The following JAKMIP2 variants were observed in gnomAD, a reference collection of about 807,000 sequenced individuals.
JAKMIP2 encodes the protein janus kinase and microtubule-interacting protein 2.
Under a neutral mutation model 115.0 loss-of-function variants are expected in JAKMIP2, and 25 were observed. That is an observed-to-expected ratio of 0.22 (90% CI 0.16 to 0.30). The LOEUF (loss-of-function observed/expected upper bound fraction) is 0.30, where lower values mean the gene tolerates loss of function less well. Ranked by LOEUF, JAKMIP2 falls within the 10% of genes least tolerant of loss-of-function variation. The probability of loss-of-function intolerance (pLI) is 1.00; values close to 1 mark genes in which losing one functional copy is unlikely to be tolerated. For missense variants in JAKMIP2, 642 were observed against 957.6 expected (o/e 0.67, Z 4.35); for synonymous variants, 334 against 343.6 (o/e 0.97, Z 0.31).
intron 20 of JAKMIP2, among the ~76,000 whole-genome samples, chr5:147,609,978 A>G (rs1320823537): frequency 6.6e-6 from 1 of 152,154 alleles, no homozygotes; most frequent in African/African-American, 2.4e-5. Flanking sequence ...TGATCCAGCT[A>G]TGGATACTGC....
chr5:147,763,433 C>T (rs1008702479), intron 1 of JAKMIP2, among the ~76,000 whole-genome samples: 1 of 152,106 alleles, frequency 6.6e-6, no homozygotes, highest in Non-Finnish European at 1.5e-5. Flanking sequence ...TGAAGGAGAG[C>T]CTTTTCCTAC....
chr5:147,669,759 C>A lies in JAKMIP2; in HGVS notation c.129+1919G>T, dbSNP rs960329046. Among the ~76,000 whole-genome samples, 11 of 152,146 alleles carry A rather than the reference C, an allele frequency of 7.2e-5. No homozygotes were observed. In the South Asian group the frequency reaches 1.2e-3, roughly 17 times the overall value. ...GTCAGACCTGGATGGAATCTTACAG[C>A]GAGTGTTTGTCAACACGAAGGCTGG... On this transcript the variant is annotated intron_variant, in intron 2 of 21. Coordinates refer to ENST00000616793, the MANE Select transcript of JAKMIP2 (RefSeq NM_001270941.2).
intron 17 of JAKMIP2, among the ~76,000 whole-genome samples, chr5:147,622,938 G>T (rs1052542938): frequency 6.6e-6 from 1 of 152,044 alleles, no homozygotes; most frequent in Non-Finnish European, 1.5e-5. Flanking sequence ...TTGGTTGTGG[G>T]AACACAGGGT....
intron 1 of JAKMIP2, among the ~76,000 whole-genome samples, chr5:147,675,915 C>A (rs1010602931): frequency 2.0e-5 from 3 of 150,668 alleles, no homozygotes; most frequent in Non-Finnish European, 4.4e-5. Flanking sequence ...TAGGGATAAA[C>A]TGCATCTTAT....
At chr5:147,633,362 G>A (rs141885397) in intron 12 of JAKMIP2, among the ~76,000 whole-genome samples, 97 of 152,208 alleles carry the variant, frequency 6.4e-4, no homozygotes, top group African/African-American at 2.2e-3. Flanking sequence ...TAGGAACTGT[G>A]GCCTACCCAA....
chr5:147,686,262 CTT>C (rs142849151), intron 1 of JAKMIP2, among the ~76,000 whole-genome samples: 24,395 of 152,048 alleles, frequency 0.16, 2,258 homozygotes, highest in African/African-American at 0.25. Flanking sequence ...ATGCCAGTCT[CTT>C]TTCATGAAGG....
chr5:147,661,175 T>G lies in JAKMIP2; in HGVS notation c.400A>C (p.Thr134Pro). The G allele has an allele frequency of 6.2e-7, 1 of 1,614,066 alleles. No homozygotes were observed. The change falls in exon 3 of 22, where the codon ACC becomes CCC. Residue 134 changes from threonine to proline, a missense_variant. By Grantham distance (38) the Thr-to-Pro change is conservative (BLOSUM62 -1). Around this residue, in one of 6 missense-constraint regions of JAKMIP2, gnomAD observed 439 missense variants for 570.9 expected, o/e 0.77. Coordinates refer to ENST00000616793, the MANE Select transcript of JAKMIP2 (RefSeq NM_001270941.2). ...GSSDKVRTALTIEAREEARKL... is the reference protein window; with the variant it reads ...GSSDKVRTALPIEAREEARKL... ...CGGGCCTCCTCCCGGGCCTCAATGG[T>G]GAGCGCTGTCCTTACTTTGTCACTG...
intron 5 of JAKMIP2, among the ~76,000 whole-genome samples, chr5:147,645,298 C>T (rs553407369): frequency 3.3e-5 from 5 of 152,196 alleles, no homozygotes; most frequent in African/African-American, 1.2e-4. Context: ...TGCTTTCTTT[C>T]GCTTCCCCGA....
rs189774063 is a variant in JAKMIP2, at chr5:147,667,883, A to G, written c.129+3795T>C. Among the ~76,000 whole-genome samples the G allele has an allele frequency of 2.1e-4, 32 of 152,260 alleles. No homozygotes were observed. The East Asian group carries it at 6.2e-3, about 29-fold the overall frequency. On this transcript the variant is annotated intron_variant, in intron 2 of 21. Coordinates refer to ENST00000616793, the MANE Select transcript of JAKMIP2 (RefSeq NM_001270941.2). ...TTGGTTGATTTTCTGAGAATGCCCT[A>G]GAGGCAATAGATGCCTTGAATCAGA...
intron 16 of JAKMIP2, among the ~76,000 whole-genome samples, chr5:147,625,279 C>T (rs1027694340): frequency 1.3e-5 from 2 of 152,156 alleles, no homozygotes; most frequent in Non-Finnish European, 2.9e-5. Flanking sequence ...CTGCGCCCAG[C>T]CCCAGATAGT....
intron 1 of JAKMIP2, among the ~76,000 whole-genome samples, chr5:147,718,833 G>A (rs1753131927): frequency 6.6e-6 from 1 of 151,042 alleles, no homozygotes; most frequent in East Asian, 2.0e-4. Context: ...AGGGTTTTTT[G>A]TGTCTCTATT....
chr5:147,711,327 T>G (rs893321700), intron 1 of JAKMIP2, among the ~76,000 whole-genome samples: 9 of 152,324 alleles, frequency 5.9e-5, no homozygotes, highest in African/African-American at 2.2e-4. Context: ...AATTTACTCA[T>G]TTATTAGTTC....
At chr5:147,715,571 A>G (rs1752946216) in intron 1 of JAKMIP2, among the ~76,000 whole-genome samples, 1 of 151,628 alleles carries the variant, frequency 6.6e-6, no homozygotes, top group African/African-American at 2.4e-5. Context: ...AACAAATAGG[A>G]TAATTCATAA....
chr5:147,755,278 T>C (rs905227868), intron 1 of JAKMIP2, among the ~76,000 whole-genome samples: 2 of 152,176 alleles, frequency 1.3e-5, no homozygotes, highest in Admixed American at 6.6e-5. Context: ...CTTTTGGGAC[T>C]GAACCAATGT....
intron 21 of JAKMIP2, among the ~76,000 whole-genome samples, chr5:147,592,368 C>T (rs1755141495): frequency 6.6e-6 from 1 of 152,194 alleles, no homozygotes; most frequent in Non-Finnish European, 1.5e-5. Context: ...GATTGAAGAA[C>T]TCCCTGGGAA....
In JAKMIP2 at chr5:147,628,826, A is replaced by G; in HGVS notation, c.1930-10T>C. ...CTTCATTTCTTAAATTCTGTAAAAAATAAGAAAGGCCGTCAGCTGAACATA... is the reference window on the plus strand; with the variant it reads ...CTTCATTTCTTAAATTCTGTAAAAAGTAAGAAAGGCCGTCAGCTGAACATA... On this transcript the variant is annotated splice_polypyrimidine_tract_variant and intron_variant, in intron 15 of 21. Coordinates refer to ENST00000616793, the MANE Select transcript of JAKMIP2 (RefSeq NM_001270941.2). The G allele has an allele frequency of 1.9e-6, 3 of 1,608,978 alleles. No individual in the cohort carries two copies. Among genetic ancestry groups the G allele is most frequent in the Non-Finnish European group, 2.6e-6 (3 of 1,175,884 alleles).
At chr5:147,707,568 T>C (rs369039280) in intron 1 of JAKMIP2, among the ~76,000 whole-genome samples, 15 of 152,112 alleles carry the variant, frequency 9.9e-5, no homozygotes, top group African/African-American at 3.1e-4. Context: ...ACTTTTATGA[T>C]GTTGTTGCTC....
intron 1 of JAKMIP2, among the ~76,000 whole-genome samples, chr5:147,718,025 A>G (rs1233125732): frequency 9.0e-6 from 1 of 111,116 alleles, no homozygotes; most frequent in Non-Finnish European, 1.8e-5. Context: ...CGTCCCATCA[A>G]TACCTAATTT....
chr5:147,695,233 C>G (rs1752048922), intron 1 of JAKMIP2, among the ~76,000 whole-genome samples: 2 of 152,122 alleles, frequency 1.3e-5, no homozygotes, highest in Admixed American at 1.3e-4. Context: ...CTGTTGAATA[C>G]ACGCTTAAAT....
Sources: allele counts gnomAD v4.1 joint callset (sites outside exome capture counted in the v4.1 genomes callset), GRCh38; gene constraint gnomAD v4.1.1; regional missense constraint gnomAD v4.1.1; transcripts MANE v1.5; gene names NCBI Gene and HGNC (gene_info 2026-07-23, HGNC 2026-07-21).